Variants in RNLS observed in about 807,000 individuals in gnomAD.
RNLS encodes renalase.
Under a neutral mutation model 39.8 loss-of-function variants are expected in RNLS, and 39 were observed. The ratio of observed to expected loss-of-function variants is 0.98; its 90% CI spans 0.76 to 1.28. The LOEUF (loss-of-function observed/expected upper bound fraction) is 1.28. RNLS is among the 50% of genes most tolerant of loss of function. The pLI is 0.00. For synonymous variants in RNLS, 147 were observed against 150.7 expected (o/e 0.98, Z 0.18); for missense variants, 410 against 413.3 (o/e 0.99, Z 0.07).
At chr10:88,279,068 GC>G (rs1288178032) in intron 6 of RNLS, among the ~76,000 whole-genome samples, 1 of 152,162 alleles carries the variant, frequency 6.6e-6, no homozygotes, top group Non-Finnish European at 1.5e-5. Flanking sequence ...GAGTGGGGAG[GC>G]TAGATCGGCT....
intron 4 of RNLS, among the ~76,000 whole-genome samples, chr10:88,415,808 A>T (rs886683301): frequency 3.3e-5 from 5 of 152,330 alleles, no homozygotes; most frequent in South Asian, 2.1e-4. Context: ...GTGCTCACAC[A>T]GCACTCTAGT....
At chr10:88,432,906 A>AT (rs1262866861) in intron 4 of RNLS, among the ~76,000 whole-genome samples, 3 of 151,906 alleles carry the variant, frequency 2.0e-5, no homozygotes, top group Non-Finnish European at 2.9e-5. Context: ...CTGAAGTGAG[A>AT]TTTTTTTCAA....
At chr10:88,387,077 C>G (rs934230791) in intron 4 of RNLS, among the ~76,000 whole-genome samples, 23 of 152,198 alleles carry the variant, frequency 1.5e-4, no homozygotes, top group African/African-American at 5.3e-4. Flanking sequence ...ACATTTGCTT[C>G]AATATTGAAC....
At chr10:88,328,582 C>T (rs556953572) in intron 5 of RNLS, among the ~76,000 whole-genome samples, 1 of 152,214 alleles carries the variant, frequency 6.6e-6, no homozygotes, top group South Asian at 2.1e-4. Flanking sequence ...CCATTTTCCC[C>T]TTCTACTATC....
At chr10:88,445,295 C>T (rs868321102) in intron 4 of RNLS, among the ~76,000 whole-genome samples, 3 of 152,298 alleles carry the variant, frequency 2.0e-5, no homozygotes, top group Middle Eastern at 3.4e-3. Flanking sequence ...ACCAGGCCTG[C>T]CCTACAAGAG....
At chr10:88,325,320 TTTG>T (rs1472857386) in intron 5 of RNLS, among the ~76,000 whole-genome samples, 1 of 148,426 alleles carries the variant, frequency 6.7e-6, no homozygotes, top group African/African-American at 2.4e-5. Flanking sequence ...TTGTTCTGTT[TTTG>T]TTTTTAATAA....
chr10:88,488,861 C>T (rs963477302), intron 4 of RNLS, among the ~76,000 whole-genome samples: 1 of 152,108 alleles, frequency 6.6e-6, no homozygotes, highest in African/African-American at 2.4e-5. Flanking sequence ...AAGCTGCCAA[C>T]ATTTAAAATG....
At chr10:88,184,522 C>T in the RNLS span, among the ~76,000 whole-genome samples, 5 of 151,906 alleles carry the variant, frequency 3.3e-5, no homozygotes, top group Non-Finnish European at 5.9e-5. Context: ...TCTTTTTTCT[C>T]CCCCCAGCCA....
chr10:88,225,512 G>T, the RNLS span, among the ~76,000 whole-genome samples: 2 of 152,176 alleles, frequency 1.3e-5, no homozygotes, highest in Non-Finnish European at 2.9e-5. Flanking sequence ...CCAGGAGTTT[G>T]AGACCAGCCT....
At chr10:88,342,276 G>C (rs1484501792) in intron 5 of RNLS, among the ~76,000 whole-genome samples, 1 of 152,180 alleles carries the variant, frequency 6.6e-6, no homozygotes, top group Non-Finnish European at 1.5e-5. Flanking sequence ...CTTTGTAGCA[G>C]TAAGATTTGG....
chr10:88,314,416 G>T, intron 6 of RNLS, 50 bp downstream of exon 6: 1 of 1,574,410 alleles, frequency 6.4e-7, no homozygotes, highest in South Asian at 1.2e-5. Context: ...TCAGTTCTGT[G>T]AGCCTGTTAA....
chr10:88,537,467 G>C (rs767802890), intron 4 of RNLS, among the ~76,000 whole-genome samples: 11 of 152,180 alleles, frequency 7.2e-5, no homozygotes, highest in Non-Finnish European at 1.5e-4. Context: ...TGCCCACCAA[G>C]GGTGAAATGG....
chr10:88,402,885 G>A (rs1359476672), intron 4 of RNLS, among the ~76,000 whole-genome samples: 1 of 151,954 alleles, frequency 6.6e-6, no homozygotes, highest in Non-Finnish European at 1.5e-5. Context: ...AGCGAATAAA[G>A]TAAAATATAT....
intron 4 of RNLS, among the ~76,000 whole-genome samples, chr10:88,421,071 TTC>T (rs1271281534): frequency 6.6e-6 from 1 of 152,224 alleles, no homozygotes; most frequent in East Asian, 1.9e-4. Context: ...AAAGTATCAG[TTC>T]CTTGGGAGAT....
At chr10:88,561,396 A>G (rs538764999) in intron 4 of RNLS, among the ~76,000 whole-genome samples, 114 of 152,316 alleles carry the variant, frequency 7.5e-4, no homozygotes, top group Non-Finnish European at 1.3e-3. Flanking sequence ...GACAGACTCA[A>G]GTATATATGG....
chr10:88,526,488 C>G (rs911739803), intron 4 of RNLS, among the ~76,000 whole-genome samples: 2 of 152,002 alleles, frequency 1.3e-5, no homozygotes, highest in Non-Finnish European at 2.9e-5. Flanking sequence ...GCTGGACAGG[C>G]ACGCTAGCTC....
Position 88,443,114 on chromosome 10 carries a change from C to T in RNLS, c.527-80389G>A, listed in dbSNP as rs372518552. ...TCTATTTCTTCCCCTCCTTTGTATT[C>T]CACTGTCTTTATTTGGGTTTTTACC... On this transcript the variant is annotated intron_variant, in intron 4 of 6. Transcript: ENST00000331772. Among the ~76,000 whole-genome samples, 111 of 152,244 alleles carry T rather than the reference C, an allele frequency of 7.3e-4. 1 individual carries two copies. Among genetic ancestry groups the T allele is most frequent in the South Asian group, 6.8e-3 (33 of 4,824 alleles).
At chr10:88,207,041 T>C in the RNLS span, among the ~76,000 whole-genome samples, 1 of 152,070 alleles carries the variant, frequency 6.6e-6, no homozygotes, top group South Asian at 2.1e-4. Flanking sequence ...TTTAATACAG[T>C]TTAAAATTGA....
chr10:88,412,510 C>G (rs1441920846), intron 4 of RNLS, among the ~76,000 whole-genome samples: 1 of 151,686 alleles, frequency 6.6e-6, no homozygotes, highest in Non-Finnish European at 1.5e-5. Flanking sequence ...AGATGAAAAC[C>G]AGGGAAGGTT....
Sources: allele counts gnomAD v4.1 joint callset (sites outside exome capture counted in the v4.1 genomes callset), GRCh38; gene constraint gnomAD v4.1.1; transcripts MANE v1.5; gene names NCBI Gene and HGNC (gene_info 2026-07-23, HGNC 2026-07-21).